Variants in ADCY7 observed in about 807,000 individuals in gnomAD.
ADCY7 encodes adenylate cyclase 7, also known as adenylate cyclase type 7.
A neutral mutation model predicts 120.6 loss-of-function variants in ADCY7; 72 were observed. That is an observed-to-expected ratio of 0.60 (90% CI 0.49 to 0.73). The LOEUF (loss-of-function observed/expected upper bound fraction) is 0.73, where lower values mean the gene tolerates loss of function less well. Among genes scored for constraint, ADCY7 ranks in the 30% least tolerant of loss-of-function variants. The probability of loss-of-function intolerance (pLI) is 0.00; values close to 1 mark genes in which losing one functional copy is unlikely to be tolerated. For synonymous variants in ADCY7, 661 were observed against 628.0 expected (o/e 1.05, Z -0.78); for missense variants, 1,227 against 1,486.0 (o/e 0.83, Z 2.87).
Position 50,314,356 on chromosome 16 carries a change from A to G in ADCY7, c.2921A>G (p.Lys974Arg). The change falls in exon 24 of 26, where the codon AAG becomes AGG. Residue 974 changes from lysine (K) to arginine (R), a missense_variant. Transcript: ENST00000673801. ...GAGTTCAGCATCGCCCTGATGAGTA[A>G]GCTGGACGGCATCAACAGGCACTCC... ...MVEFSIALMSKLDGINRHSFN... is the reference protein window; with the variant it reads ...MVEFSIALMSRLDGINRHSFN... The G allele has an allele frequency of 6.2e-7, 1 of 1,614,172 alleles. No individual in the cohort carries two copies. The highest frequency in any genetic ancestry group is 8.5e-7 in the Non-Finnish European group (1 of 1,180,034).
chr16:50,267,171 T>A (rs563922392), intron 1 of ADCY7, among the ~76,000 whole-genome samples: 15 of 152,352 alleles, frequency 9.8e-5, no homozygotes, highest in Admixed American at 8.5e-4. Context: ...GAAACCAAGA[T>A]GCCTCCAAAA....
At chr16:50,311,658 T>C (rs1472733206) in intron 19 of ADCY7, 35 bp from the exon 20 acceptor site, 2 of 1,481,690 alleles carry the variant, frequency 1.3e-6, no homozygotes, top group South Asian at 2.3e-5. Context: ...GAGTGGTGAG[T>C]GCTGGGAGTG....
In ADCY7 at chr16:50,288,301, T is replaced by C. The variant is rs1340439212; in HGVS notation, c.122T>C (p.Val41Ala). 9.0e-6 allele frequency: 14 copies of C among 1,550,674 alleles called. No individual in the cohort carries two copies. Among genetic ancestry groups the C allele is most frequent in the Non-Finnish European group, 1.2e-5 (14 of 1,146,824 alleles). ...HGPLLLTLLL[V>A]AATACVALII... ...CCGCTGCTGCTCACGCTCCTGCTGG[T>C]GGCCGCCACTGCCTGCGTGGCCCTC... Residue 41 changes from valine to alanine, a missense_variant, in exon 2 of 26, where the codon GTG becomes GCG. This residue lies in a region of ADCY7 where 382 missense variants were observed against 411.4 expected (regional missense o/e 0.93). Transcript: ENST00000673801.
chr16:50,307,668 C>G (rs113161166), intron 15 of ADCY7, among the ~76,000 whole-genome samples: 3 of 152,112 alleles, frequency 2.0e-5, no homozygotes, highest in Admixed American at 2.0e-4. Flanking sequence ...GCCGAAGCAT[C>G]GACCAGGATT....
chr16:50,250,660 T>C (rs1053079181), intron 1 of ADCY7, among the ~76,000 whole-genome samples: 2 of 151,998 alleles, frequency 1.3e-5, no homozygotes, highest in Admixed American at 1.3e-4. Context: ...TGTGAGCATA[T>C]GGTGGGAAAA....
intron 21 of ADCY7, 43 bp from the exon 22 acceptor site, chr16:50,312,844 CCCT>C: frequency 6.6e-7 from 1 of 1,514,056 alleles, no homozygotes; most frequent in Non-Finnish European, 9.0e-7. Context: ...TCTTCCTGTC[CCCT>C]CAAGAGGTGA....
intron 18 of ADCY7, among the ~76,000 whole-genome samples, chr16:50,309,927 AGGG>A (rs2036341128): frequency 6.6e-6 from 1 of 152,168 alleles, no homozygotes; most frequent in Non-Finnish European, 1.5e-5. Context: ...GTCTCTGGTC[AGGG>A]CACTTCCTCT....
chr16:50,303,658 G>A (rs1190690046), intron 10 of ADCY7, among the ~76,000 whole-genome samples: 2 of 152,158 alleles, frequency 1.3e-5, no homozygotes, highest in Admixed American at 6.5e-5. Flanking sequence ...AGGGCTGGCC[G>A]TGCATTCAGG....
chr16:50,313,907 G>A, intron 22 of ADCY7, 51 bp from the exon 23 acceptor site: 5 of 1,508,186 alleles, frequency 3.3e-6, no homozygotes, highest in Non-Finnish European at 4.6e-6. Context: ...GGGGCAGCCT[G>A]GCTGCGGCTA....
At chr16:50,308,608 G>A (rs1371475180) in intron 16 of ADCY7, 59 bp from the exon 17 acceptor site, 5 of 1,573,454 alleles carry the variant, frequency 3.2e-6, no homozygotes, top group East Asian at 4.5e-5. Context: ...GGCTGCCAGC[G>A]ACCAGCCCTC....
chr16:50,291,952 A>T (rs932971737), intron 4 of ADCY7, 55 bp downstream of exon 4: 1 of 1,535,854 alleles, frequency 6.5e-7, no homozygotes, highest in African/African-American at 1.4e-5. Context: ...GTCTAAGGGC[A>T]GATGGGGGGG....
chr16:50,259,136 C>G (rs1459274853), intron 1 of ADCY7, among the ~76,000 whole-genome samples: 1 of 152,130 alleles, frequency 6.6e-6, no homozygotes, highest in Non-Finnish European at 1.5e-5. Context: ...TAAAACTGTG[C>G]CAAATTCTAT....
At position 50,317,389 on chromosome 16, in the gene ADCY7, G is replaced by C. The variant is rs1012630002; in HGVS notation, c.*1884G>C. ...GATCTAGCAGTGACCAGGGCTGCCC[G>C]GCGGGGGCTCTCCTGGCAAGTCAGG... is the stretch of plus-strand genomic sequence containing the variant. On this transcript the variant is annotated 3_prime_UTR_variant, in exon 26 of 26. Coordinates refer to ENST00000673801, the MANE Select transcript of ADCY7 (RefSeq NM_001114.5). 6.7e-6 allele frequency: 1 copy of C among 150,338 alleles called. No individual in the cohort carries two copies. Among genetic ancestry groups the C allele is most frequent in the Non-Finnish European group, 1.5e-5 (1 of 68,044 alleles). The allele number at this position is 150,338 out of a possible 1,614,324, so 9.3% of individuals were successfully genotyped here.
intron 1 of ADCY7, among the ~76,000 whole-genome samples, chr16:50,285,462 T>C (rs1414756326): frequency 6.6e-6 from 1 of 152,254 alleles, no homozygotes; most frequent in Non-Finnish European, 1.5e-5. Context: ...CAGGTGCTGG[T>C]TGGGGACTTG....
At chr16:50,267,633 A>G (rs2033303660) in intron 1 of ADCY7, among the ~76,000 whole-genome samples, 1 of 152,186 alleles carries the variant, frequency 6.6e-6, no homozygotes, top group East Asian at 1.9e-4. Flanking sequence ...TCTCGGAGTG[A>G]GGACCGGGCT....
intron 1 of ADCY7, among the ~76,000 whole-genome samples, chr16:50,271,850 C>T (rs1348108811): frequency 6.6e-6 from 1 of 152,190 alleles, no homozygotes; most frequent in Non-Finnish European, 1.5e-5. Flanking sequence ...TTGAGCTGTT[C>T]ACTCAGCCGC....
Position 50,300,764 on chromosome 16 carries a change from C to G in ADCY7, c.1126C>G (p.His376Asp), listed in dbSNP as rs2035660866. The change falls in exon 9 of 26, where the codon CAC becomes GAC. Residue 376 changes from histidine to aspartate, a missense_variant. Transcript: ENST00000673801. ...GGACATCAACATGCGTGTGGGCATA[C>G]ACTCGGGGAATGTGCTGTGCGGGGT... ...GVDINMRVGI[H>D]SGNVLCGVIG... 3 of 1,552,686 alleles carry G rather than the reference C, an allele frequency of 1.9e-6. No individual in the cohort carries two copies. Among genetic ancestry groups the G allele is most frequent in the Non-Finnish European group, 2.6e-6 (3 of 1,147,544 alleles).
chr16:50,250,578 G>C (rs1253379379), intron 1 of ADCY7, among the ~76,000 whole-genome samples: 1 of 151,320 alleles, frequency 6.6e-6, no homozygotes, highest in Non-Finnish European at 1.5e-5. Flanking sequence ...AGACCAGCTT[G>C]GACAATGTGG....
rs1284050253 is a variant in ADCY7 at position 50,315,076 on chromosome 16, T to A, written c.3034T>A (p.Trp1012Arg). 1.9e-6 allele frequency: 3 copies of A among 1,614,204 alleles called. No homozygotes were observed. Among genetic ancestry groups the A allele is most frequent in the Non-Finnish European group, 8.5e-7 (1 of 1,180,022 alleles). Residue 1012 changes from tryptophan to arginine, a missense_variant, in exon 25 of 26, where the codon TGG becomes AGG. This residue lies in a region of ADCY7 where 244 missense variants were observed against 332.8 expected (regional missense o/e 0.73). Coordinates refer to ENST00000673801, the MANE Select transcript of ADCY7 (RefSeq NM_001114.5). The part of the protein sequence containing the change: ...IGARKPQYDI[W>R]GNTVNVASRM... ...GGCCCGAAAACCTCAGTATGACATCTGGGGAAACACTGTCAATGTGGCCAG... is the reference window on the plus strand; with the variant it reads ...GGCCCGAAAACCTCAGTATGACATCAGGGGAAACACTGTCAATGTGGCCAG...
Sources: allele counts gnomAD v4.1 joint callset (sites outside exome capture counted in the v4.1 genomes callset), GRCh38; gene constraint gnomAD v4.1.1; regional missense constraint gnomAD v4.1.1; transcripts MANE v1.5; gene names NCBI Gene and HGNC (gene_info 2026-07-23, HGNC 2026-07-21).